The following OLFM3 variants were observed in gnomAD, a reference collection of about 807,000 sequenced individuals.
OLFM3 encodes olfactomedin 3, also known as noelin-3.
A neutral mutation model predicts 48.6 loss-of-function variants in OLFM3; 20 were observed. The ratio of observed to expected loss-of-function variants is 0.41; its 90% CI spans 0.29 to 0.60. The LOEUF is 0.60. Ranked by LOEUF, OLFM3 falls within the 20% of genes least tolerant of loss-of-function variation. The pLI, the probability that OLFM3 is intolerant of heterozygous loss-of-function variation, is 0.28. For missense variants in OLFM3, 437 were observed against 544.3 expected (o/e 0.80, Z 1.96); for synonymous variants, 222 against 198.1 (o/e 1.12, Z -1.01).
chr1:101,927,349 A>G (rs1331606433), intron 1 of OLFM3, among the ~76,000 whole-genome samples: 1 of 152,118 alleles, frequency 6.6e-6, no homozygotes, highest in African/African-American at 2.4e-5. Flanking sequence ...ATCATTCTTA[A>G]AAAAATAATC....
chr1:101,916,186 G>T (rs1341615069), intron 1 of OLFM3, among the ~76,000 whole-genome samples: 1 of 152,070 alleles, frequency 6.6e-6, no homozygotes, highest in East Asian at 1.9e-4. Context: ...TTTTCTTTGT[G>T]CCAGATAATT....
rs915421593 is a variant in OLFM3, at chr1:101,803,568, C to G, written c.*670G>C. On this transcript the variant is annotated 3_prime_UTR_variant, in exon 6 of 6. Transcript: ENST00000370103. The stretch of plus-strand genomic sequence containing the variant: ...TCTTGACCACACTTGAAAATGGACT[C>G]AATTACTGAGGTTAAATTTCAGTGT... The G allele has an allele frequency of 6.6e-6, 1 of 152,058 alleles. No individual in the cohort carries two copies. Among genetic ancestry groups the G allele is most frequent in the African/African-American group, 2.4e-5 (1 of 41,340 alleles). The allele number at this position is 152,058 out of a possible 1,614,324, so 9.4% of individuals were successfully genotyped here.
chr1:101,867,083 A>T (rs1264521713), intron 1 of OLFM3, among the ~76,000 whole-genome samples: 1 of 152,158 alleles, frequency 6.6e-6, no homozygotes, highest in African/African-American at 2.4e-5. Context: ...TCTTACAATC[A>T]GTTATATTGC....
chr1:101,986,153 G>A (rs2101115134), intron 1 of OLFM3, among the ~76,000 whole-genome samples: 1 of 152,046 alleles, frequency 6.6e-6, no homozygotes, highest in South Asian at 2.1e-4. Flanking sequence ...TTTTAGTAGA[G>A]ACGGGGTTTC....
intron 1 of OLFM3, chr1:101,894,088 CAGT>C (rs1226791846): frequency 6.5e-6 from 1 of 154,022 alleles, no homozygotes; most frequent in Non-Finnish European, 1.5e-5. Flanking sequence ...ATTTTATGGG[CAGT>C]AGTGAATGAG....
rs193237374 is a variant in OLFM3 at position 101,987,124 on chromosome 1, C to T, written c.69+9624G>A. Among the ~76,000 whole-genome samples the T allele has an allele frequency of 1.6e-3, 243 of 152,070 alleles. 1 individual carries two copies. Among genetic ancestry groups the T allele is most frequent in the Admixed American group, 3.7e-3 (56 of 15,290 alleles). ...ATATGGAGTCTTACCTTGATTTGAC[C>T]GACAAAGAGGTCATGAAGCTTTGGC... is the stretch of plus-strand genomic sequence containing the variant. On this transcript the variant is annotated intron_variant, in intron 1 of 5. Coordinates refer to ENST00000370103, the MANE Select transcript of OLFM3 (RefSeq NM_058170.4).
At chr1:101,805,652 T>C (rs1653735198) in intron 5 of OLFM3, among the ~76,000 whole-genome samples, 2 of 151,808 alleles carry the variant, frequency 1.3e-5, no homozygotes, top group African/African-American at 2.4e-5. Flanking sequence ...ATTTAGTAAA[T>C]TGGTTTTGCC....
At chr1:101,995,116 T>A (rs1661522811) in intron 1 of OLFM3, among the ~76,000 whole-genome samples, 1 of 152,088 alleles carries the variant, frequency 6.6e-6, no homozygotes, top group South Asian at 2.1e-4. Flanking sequence ...CACAAAATTG[T>A]TAATGAAGCT....
At chr1:101,841,437 C>T (rs1463595513) in intron 1 of OLFM3, among the ~76,000 whole-genome samples, 5 of 152,198 alleles carry the variant, frequency 3.3e-5, no homozygotes, top group African/African-American at 9.7e-5. Flanking sequence ...TGCTCATACT[C>T]TTTGGATAAA....
At chr1:101,864,391 T>C (rs1473584309) in intron 1 of OLFM3, among the ~76,000 whole-genome samples, 1 of 152,198 alleles carries the variant, frequency 6.6e-6, no homozygotes, top group African/African-American at 2.4e-5. Flanking sequence ...CTTGTCTCTG[T>C]AGCTCAGCTA....
intron 1 of OLFM3, among the ~76,000 whole-genome samples, chr1:101,863,838 T>C (rs890918544): frequency 6.6e-6 from 1 of 152,204 alleles, no homozygotes; most frequent in East Asian, 1.9e-4. Flanking sequence ...ATCTCAGTGA[T>C]AAATCAAATT....
chr1:101,873,029 G>T (rs1341186166), intron 1 of OLFM3, among the ~76,000 whole-genome samples: 5 of 151,852 alleles, frequency 3.3e-5, no homozygotes, highest in Non-Finnish European at 7.4e-5. Context: ...AAAATTTTGA[G>T]AATATACAAC....
intron 1 of OLFM3, among the ~76,000 whole-genome samples, chr1:101,944,879 CA>C (rs35504595): frequency 0.022 from 3,269 of 145,750 alleles, 108 homozygotes; most frequent in African/African-American, 0.076. Context: ...GACTCCACCT[CA>C]AAAAAAAAAA....
chr1:101,832,663 A>G (rs1422389703), intron 2 of OLFM3, among the ~76,000 whole-genome samples: 1 of 152,202 alleles, frequency 6.6e-6, no homozygotes, highest in African/African-American at 2.4e-5. Flanking sequence ...GGAACCAGGC[A>G]CAGAGTAAGT....
At chr1:101,989,973 A>G (rs2101120061) in intron 1 of OLFM3, among the ~76,000 whole-genome samples, 1 of 152,332 alleles carries the variant, frequency 6.6e-6, no homozygotes, top group African/African-American at 2.4e-5. Context: ...TTGTGAAGAC[A>G]TAAGAAGTCC....
At chr1:101,836,769 G>C (rs1008298461) in intron 2 of OLFM3, 110 bp downstream of exon 2, 1 of 1,124,892 alleles carries the variant, frequency 8.9e-7, no homozygotes. Context: ...TCTGAGAAGG[G>C]GGACAAAAAT....
At chr1:101,845,413 T>C (rs1259653323) in intron 1 of OLFM3, among the ~76,000 whole-genome samples, 2 of 152,152 alleles carry the variant, frequency 1.3e-5, no homozygotes, top group African/African-American at 4.8e-5. Context: ...CCAATGTCTA[T>C]ATACACAAAA....
chr1:101,964,666 T>C (rs1262842189), intron 1 of OLFM3, among the ~76,000 whole-genome samples: 1 of 152,216 alleles, frequency 6.6e-6, no homozygotes, highest in Admixed American at 6.5e-5. Context: ...CACCTCACAA[T>C]CATGAAGAAA....
chr1:101,931,535 G>A (rs1485648888), intron 1 of OLFM3, among the ~76,000 whole-genome samples: 1 of 152,134 alleles, frequency 6.6e-6, no homozygotes, highest in Non-Finnish European at 1.5e-5. Flanking sequence ...TGCAATAATG[G>A]TTCATGTATT....
Sources: allele counts gnomAD v4.1 joint callset (sites outside exome capture counted in the v4.1 genomes callset), GRCh38; gene constraint gnomAD v4.1.1; transcripts MANE v1.5; gene names NCBI Gene and HGNC (gene_info 2026-07-23, HGNC 2026-07-21).